The following VAV2 variants were observed in gnomAD, a reference collection of about 807,000 sequenced individuals.
VAV2 encodes vav guanine nucleotide exchange factor 2.
VAV2 carries 67 observed loss-of-function variants against 132.5 expected under a neutral mutation model. The ratio of observed to expected loss-of-function variants is 0.51; its 90% CI spans 0.42 to 0.62. VAV2 has a LOEUF of 0.62. Ranked by LOEUF, VAV2 falls within the 20% of genes least tolerant of loss-of-function variation. VAV2 has a pLI of 0.00. For synonymous variants in VAV2, 492 were observed against 443.5 expected, an observed-to-expected ratio of 1.11 and a Z score of -1.37; for missense variants, 938 against 1,153.6, an observed-to-expected ratio of 0.81 and a Z score of 2.71.
At chr9:133,816,500 G>A (rs1467030490) in intron 4 of VAV2, among the ~76,000 whole-genome samples, 1 of 152,158 alleles carries the variant, frequency 6.6e-6, no homozygotes, top group Non-Finnish European at 1.5e-5. Context: ...TAATTTATGT[G>A]CGTGGTATGA....
intron 2 of VAV2, among the ~76,000 whole-genome samples, chr9:133,901,530 T>C (rs1403065983): frequency 6.6e-6 from 1 of 152,188 alleles, no homozygotes; most frequent in African/African-American, 2.4e-5. Context: ...GCCTAGAAGC[T>C]TCCGTGGGTG....
intron 4 of VAV2, among the ~76,000 whole-genome samples, chr9:133,816,406 GCTGT>G (rs1459143951): frequency 6.6e-6 from 1 of 152,116 alleles, no homozygotes; most frequent in East Asian, 1.9e-4. Context: ...AGAAATCTTT[GCTGT>G]CTTTCAATCA....
At chr9:133,946,036 G>T (rs775804133) in intron 1 of VAV2, among the ~76,000 whole-genome samples, 1 of 152,244 alleles carries the variant, frequency 6.6e-6, no homozygotes, top group African/African-American at 2.4e-5. Context: ...CACTGGGGAA[G>T]TCCAGAAGTC....
intron 2 of VAV2, among the ~76,000 whole-genome samples, chr9:133,925,502 G>C (rs1441953533): frequency 1.3e-5 from 2 of 152,270 alleles, no homozygotes; most frequent in Non-Finnish European, 2.9e-5. Flanking sequence ...ACAGGCATGA[G>C]CCACTGTACC....
At chr9:133,820,961 C>T (rs1224457693) in intron 4 of VAV2, among the ~76,000 whole-genome samples, 2 of 152,208 alleles carry the variant, frequency 1.3e-5, no homozygotes, top group Non-Finnish European at 2.9e-5. Context: ...CCCCACATGG[C>T]CCTCCACGCA....
rs112348164 is a variant in VAV2, at chr9:133,788,639, C to T, written c.1275-153G>A. Among the ~76,000 whole-genome samples the T allele has an allele frequency of 5.9e-5, 9 of 152,272 alleles. 1 individual carries two copies. The South Asian group carries it at 1.2e-3, about 21-fold the overall frequency. On this transcript the variant is annotated intron_variant, in intron 14 of 29. Coordinates refer to ENST00000371850, the MANE Select transcript of VAV2 (RefSeq NM_001134398.2). This position sits in a 1 kb window ranked among gnomAD's most constrained non-coding sequence, Gnocchi z 5.3. ...GGCTCACCAGGCTAATGCTGAGCCT[C>T]GGTCAGGTCTCGGCTGTTCCCACAC...
At chr9:133,930,869 C>A (rs758366724) in intron 2 of VAV2, among the ~76,000 whole-genome samples, 1 of 152,188 alleles carries the variant, frequency 6.6e-6, no homozygotes, top group Non-Finnish European at 1.5e-5. Context: ...ATGGAGCCAC[C>A]CCCAGACAGT....
rs1236806892 is a variant in VAV2, at chr9:133,834,339, G to T, written c.382C>A (p.Pro128Thr). 5 of 1,611,964 alleles carry T rather than the reference G, an allele frequency of 3.1e-6. No homozygotes were observed. The Admixed American group carries it at 6.7e-5, about 22-fold the overall frequency. ...HSIAQNKGIRPFPSEETTEND... is the reference protein window; with the variant it reads ...HSIAQNKGIRTFPSEETTEND... Reference sequence around the variant, plus strand: ...TCTGTGGTCTCCTCTGAGGGAAAAGGCCTGCGGAAGAGAAGGCGAGAGGGA... The same window carrying T: ...TCTGTGGTCTCCTCTGAGGGAAAAGTCCTGCGGAAGAGAAGGCGAGAGGGA... Residue 128 changes from proline to threonine, a missense_variant and splice_region_variant, in exon 4 of 30, where the codon CCT becomes ACT. Coordinates refer to ENST00000371850, the MANE Select transcript of VAV2 (RefSeq NM_001134398.2). The surrounding 1 kb of genome is among the most constrained non-coding windows in gnomAD (Gnocchi z 5.9).
chr9:133,920,779 G>A (rs922158836), intron 2 of VAV2, among the ~76,000 whole-genome samples: 7 of 152,040 alleles, frequency 4.6e-5, no homozygotes, highest in African/African-American at 9.7e-5. Context: ...CTGCTGCTGC[G>A]GCTGCCTGAC....
rs1834988594 is a variant in VAV2 at position 133,802,846 on chromosome 9, C to T, written c.836+3235G>A. ...CACAGGCCATGGGCTCAGGTATGGA[C>T]CAAGGATGCAGGAACAAGCAAGGTG... On this transcript the variant is annotated intron_variant, in intron 9 of 29. Transcript: ENST00000371850. This position sits in a 1 kb window ranked among gnomAD's most constrained non-coding sequence, Gnocchi z 5.8. Among the ~76,000 whole-genome samples the T allele has an allele frequency of 6.6e-6, 1 of 152,176 alleles. No individual in the cohort carries two copies. The highest frequency in any genetic ancestry group is 1.5e-5 in the Non-Finnish European group (1 of 68,028).
chr9:133,775,318 C>A (rs1167872735), intron 24 of VAV2, among the ~76,000 whole-genome samples: 1 of 152,138 alleles, frequency 6.6e-6, no homozygotes, highest in Non-Finnish European at 1.5e-5. Flanking sequence ...GTGACTGTGG[C>A]CACCAGCCAG....
chr9:133,792,145 G>A (rs1834501699), intron 12 of VAV2, among the ~76,000 whole-genome samples: 1 of 147,956 alleles, frequency 6.8e-6, no homozygotes, highest in African/African-American at 2.5e-5. Context: ...GTGCTGGGTG[G>A]GGTGTGTGTG....
chr9:133,803,805 A>G (rs1035579826), intron 9 of VAV2, among the ~76,000 whole-genome samples: 2 of 151,876 alleles, frequency 1.3e-5, no homozygotes, highest in Non-Finnish European at 2.9e-5. Flanking sequence ...AAAATTCTAA[A>G]TCCTTCCTTT....
chr9:133,840,602 C>T lies in VAV2; in HGVS notation c.381-6262G>A, dbSNP rs1353137196. On this transcript the variant is annotated intron_variant, in intron 3 of 29. Transcript: ENST00000371850. This position sits in a 1 kb window ranked among gnomAD's most constrained non-coding sequence, Gnocchi z 4.5. ...TACAGGGGTGCCCAAACCCAAACCC[C>T]GAAGGAAGAGCAGAGGAAACACAGC... Among the ~76,000 whole-genome samples the T allele has an allele frequency of 2.6e-5, 4 of 152,214 alleles. No homozygotes were observed. Among genetic ancestry groups the T allele is most frequent in the African/African-American group, 7.2e-5 (3 of 41,442 alleles).
At chr9:133,782,010 T>C (rs900593486) in intron 19 of VAV2, among the ~76,000 whole-genome samples, 1 of 151,900 alleles carries the variant, frequency 6.6e-6, no homozygotes, top group African/African-American at 2.4e-5. Flanking sequence ...TGGCTTTGCC[T>C]GGGGATAGGA....
In VAV2 at chr9:133,961,809, G is replaced by A. The variant is rs1332245092; in HGVS notation, c.205-22590C>T. 2.0e-5 allele frequency among the ~76,000 whole-genome samples: 3 copies of A among 152,186 alleles called. No homozygotes were observed. In the East Asian group the frequency reaches 5.8e-4, roughly 29 times the overall value. ...ATGATGTACACCAGGGAGCCCACAG[G>A]AGCAGAGTGGCCCCTCGTTCTGGTG... On this transcript the variant is annotated intron_variant, in intron 1 of 29. Coordinates refer to ENST00000371850, the MANE Select transcript of VAV2 (RefSeq NM_001134398.2). This position sits in a 1 kb window ranked among gnomAD's most constrained non-coding sequence, Gnocchi z 4.1.
chr9:133,969,656 G>A lies in VAV2; in HGVS notation c.204+22419C>T, dbSNP rs1035161174. On this transcript the variant is annotated intron_variant, in intron 1 of 29. Coordinates refer to ENST00000371850, the MANE Select transcript of VAV2 (RefSeq NM_001134398.2). The surrounding 1 kb of genome is among the most constrained non-coding windows in gnomAD (Gnocchi z 5.1). ...CTCCAGATGAGCCCCACTGTCCATCGCACTGCTCAAGCCTGACCCCAGAGC... is the reference window on the plus strand; with the variant it reads ...CTCCAGATGAGCCCCACTGTCCATCACACTGCTCAAGCCTGACCCCAGAGC... Among the ~76,000 whole-genome samples the A allele has an allele frequency of 1.3e-5, 2 of 152,068 alleles. No individual in the cohort carries two copies. Among genetic ancestry groups the A allele is most frequent in the African/African-American group, 2.4e-5 (1 of 41,392 alleles).
intron 25 of VAV2, 71 bp from the exon 26 acceptor site, chr9:133,772,117 C>T: frequency 2.2e-6 from 3 of 1,371,356 alleles, no homozygotes; most frequent in Non-Finnish European, 1.0e-6. Context: ...GGCAGCCAGG[C>T]TCATTCTGTG....
At chr9:133,940,362 T>C (rs1420909247) in intron 1 of VAV2, among the ~76,000 whole-genome samples, 2 of 152,152 alleles carry the variant, frequency 1.3e-5, no homozygotes, top group Non-Finnish European at 2.9e-5. Context: ...ACTGCCCAGC[T>C]CCAAGAGCAG....
Sources: allele counts gnomAD v4.1 joint callset (sites outside exome capture counted in the v4.1 genomes callset), GRCh38; gene constraint gnomAD v4.1.1; non-coding constraint Gnocchi (gnomAD v3.1); transcripts MANE v1.5; gene names NCBI Gene and HGNC (gene_info 2026-07-23, HGNC 2026-07-21).